Variants in RP1L1 observed in about 807,000 individuals in gnomAD.
RP1L1 encodes the protein retinitis pigmentosa 1-like 1 protein.
RP1L1 carries 27 observed loss-of-function variants against 15.7 expected under a neutral mutation model. The observed-to-expected ratio is 1.72, with a 90% CI of 1.27 to 2.38. The LOEUF is 2.38. RP1L1 is among the 30% of genes most tolerant of loss of function. RP1L1 has a pLI of 0.00. For synonymous variants in RP1L1, 1,813 were observed against 1,276.7 expected (o/e 1.42, Z -8.96); for missense variants, 4,798 against 3,075.9 (o/e 1.56, Z -13.24).
intron 1 of RP1L1, among the ~76,000 whole-genome samples, chr8:10,635,013 C>T (rs1798307932): frequency 6.6e-6 from 1 of 152,192 alleles, no homozygotes. Flanking sequence ...CCTGCAGTGC[C>T]ACCTGGGATG....
intron 1 of RP1L1, among the ~76,000 whole-genome samples, chr8:10,645,500 T>G (rs1294210137): frequency 6.6e-6 from 1 of 152,160 alleles, no homozygotes; most frequent in Non-Finnish European, 1.5e-5. Context: ...ACCAGGGGCT[T>G]TGGTCCACAT....
intron 2 of RP1L1, among the ~76,000 whole-genome samples, chr8:10,622,192 A>C (rs1011894040): frequency 6.6e-6 from 1 of 152,068 alleles, no homozygotes; most frequent in Non-Finnish European, 1.5e-5. Flanking sequence ...ATGGTAGCAC[A>C]TGCCTGTAAT....
rs1169716424 is a variant in RP1L1 at position 10,611,004 on chromosome 8, T to C, written c.3094A>G (p.Ser1032Gly). 1 of 1,612,636 alleles carries C rather than the reference T, an allele frequency of 6.2e-7. No individual in the cohort carries two copies. The highest frequency in any genetic ancestry group is 1.1e-5 in the South Asian group (1 of 91,074). Residue 1032 changes from serine to glycine, a missense_variant, in exon 4 of 4, where the codon AGT (serine) becomes GGT (glycine). Ser to Gly is a moderately conservative substitution (Grantham distance 56). Coordinates refer to ENST00000382483, the MANE Select transcript of RP1L1 (RefSeq NM_178857.6). ...PEPEGALLGS[S>G]DTGPQSGEGV... ...TCTCCTGATTGGGGACCAGTGTCACTACTCCCCAGGAGGGCTCCCTCTGGC... is the reference window on the plus strand; with the variant it reads ...TCTCCTGATTGGGGACCAGTGTCACCACTCCCCAGGAGGGCTCCCTCTGGC...
Position 10,607,398 on chromosome 8 carries a change from C to T in RP1L1, c.6700G>A (p.Glu2234Lys), listed in dbSNP as rs1232323605. Reference protein sequence around the residue: ...EPEGVETPEAEGEAQPESEGE... With the variant: ...EPEGVETPEAKGEAQPESEGE... ...TCTGACTCTGGCTGGGCCTCCCCTT[C>T]AGCCTCCGGGGTCTCTACGCCTTCT... The change falls in exon 4 of 4, where the codon GAA becomes AAA. Residue 2234 changes from glutamate to lysine, a missense_variant. Transcript: ENST00000382483. 1 of 1,592,250 alleles carries T rather than the reference C, an allele frequency of 6.3e-7. No individual in the cohort carries two copies. The highest frequency in any genetic ancestry group is 1.1e-5 in the South Asian group (1 of 88,658).
At chr8:10,636,572 T>G (rs1404770163) in intron 1 of RP1L1, among the ~76,000 whole-genome samples, 4 of 152,028 alleles carry the variant, frequency 2.6e-5, no homozygotes, top group Non-Finnish European at 5.9e-5. Flanking sequence ...AGGACTCTCC[T>G]TCACAACGGC....
chr8:10,637,832 G>C (rs372468719), intron 1 of RP1L1, among the ~76,000 whole-genome samples: 7 of 152,200 alleles, frequency 4.6e-5, no homozygotes, highest in African/African-American at 1.7e-4. Flanking sequence ...TCAGCTTCAA[G>C]ATCAAAAGAT....
intron 1 of RP1L1, among the ~76,000 whole-genome samples, chr8:10,633,401 T>C (rs1250626641): frequency 6.6e-6 from 1 of 152,042 alleles, no homozygotes; most frequent in Admixed American, 6.6e-5. Context: ...AGGGTAGATC[T>C]GGGGACCGGG....
Position 10,644,006 on chromosome 8 carries a change from C to T in RP1L1, c.-20+10892G>A, listed in dbSNP as rs936389828. The stretch of plus-strand genomic sequence containing the variant: ...GCTCAAGGGGGAAGTAGAACCTTCC[C>T]GCACCTGTCAACAAGGGATTGTATT... On this transcript the variant is annotated intron_variant, in intron 1 of 3. Transcript: ENST00000382483. 3.9e-5 allele frequency among the ~76,000 whole-genome samples: 6 copies of T among 151,960 alleles called. No homozygotes were observed. The East Asian group carries it at 1.2e-3, about 30-fold the overall frequency.
Position 10,610,577 on chromosome 8 carries a change from T to A in RP1L1, c.3521A>T (p.Glu1174Val). The A allele has an allele frequency of 6.2e-7, 1 of 1,613,596 alleles. No individual in the cohort carries two copies. The highest frequency in any genetic ancestry group is 8.5e-7 in the Non-Finnish European group (1 of 1,180,014). The change falls in exon 4 of 4, where the codon GAG (glutamate) becomes GTG (valine). Residue 1174 changes from glutamate to valine, a missense_variant. Glu to Val is a moderately radical substitution (Grantham distance 121). Transcript: ENST00000382483. ...TGGCAGAGCCTGGCTCCATGTGAGCTCCCAGAGGCCTGAGTCCAGCTGGTC... is the reference window on the plus strand; with the variant it reads ...TGGCAGAGCCTGGCTCCATGTGAGCACCCAGAGGCCTGAGTCCAGCTGGTC... ...GEDQLDSGLW[E>V]LTWSQALPDL...
chr8:10,615,315 T>C (rs998613356), intron 3 of RP1L1, among the ~76,000 whole-genome samples: 1 of 152,222 alleles, frequency 6.6e-6, no homozygotes, highest in Non-Finnish European at 1.5e-5. Context: ...CTTTTAAAAA[T>C]AAGTGTGTGT....
At chr8:10,620,695 C>A (rs775657627) in intron 2 of RP1L1, among the ~76,000 whole-genome samples, 8 of 152,186 alleles carry the variant, frequency 5.3e-5, no homozygotes, top group Non-Finnish European at 8.8e-5. Context: ...TGACAATGAG[C>A]CAATAGGCAA....
Position 10,608,839 on chromosome 8 carries a change from G to C in RP1L1, c.5259C>G (p.Asn1753Lys). ...CCCCGAGTTTGGGATCTTTGTCTCT[G>C]TTGAGTCTCTGGCTCCCCTCGCCAT... ...GEDGEGSQRL[N>K]RDKDPKLGEA... is the part of the protein sequence containing the mutation. Residue 1753 changes from asparagine to lysine, a missense_variant, in exon 4 of 4, where the codon AAC (asparagine) becomes AAG (lysine). Coordinates refer to ENST00000382483, the MANE Select transcript of RP1L1 (RefSeq NM_178857.6). 1 of 1,614,012 alleles carries C rather than the reference G, an allele frequency of 6.2e-7. No individual in the cohort carries two copies. The highest frequency in any genetic ancestry group is 8.5e-7 in the Non-Finnish European group (1 of 1,180,034).
chr8:10,611,012 A>G lies in RP1L1; in HGVS notation c.3086T>C (p.Leu1029Pro). The G allele has an allele frequency of 6.2e-7, 1 of 1,612,664 alleles. No individual in the cohort carries two copies. Among genetic ancestry groups the G allele is most frequent in the Non-Finnish European group, 8.5e-7 (1 of 1,179,952 alleles). The change falls in exon 4 of 4, where the codon CTG (leucine) becomes CCG (proline). Residue 1029 changes from leucine to proline, a missense_variant. By Grantham distance (98) the Leu-to-Pro change is moderately conservative. Transcript: ENST00000382483. ...GQDPEPEGALLGSSDTGPQSG... is the reference protein window; with the variant it reads ...GQDPEPEGALPGSSDTGPQSG... ...TTGGGGACCAGTGTCACTACTCCCC[A>G]GGAGGGCTCCCTCTGGCTCTGGGTC...
At position 10,612,122 on chromosome 8, in the gene RP1L1, A is replaced by G; in HGVS notation, c.1976T>C (p.Val659Ala). 6.2e-7 allele frequency: 1 copy of G among 1,613,608 alleles called. No individual in the cohort carries two copies. The highest frequency in any genetic ancestry group is 2.2e-5 in the East Asian group (1 of 44,862). ...ATGCCTGGGATGGCCTCTCGGGGCC[A>G]CTCGGCCAAGGCCAGGGCTGCTGGG... is the stretch of plus-strand genomic sequence containing the variant. ...SSPSSPGLGR[V>A]APRGHPRHSH... Residue 659 changes from valine to alanine, a missense_variant, in exon 4 of 4, where the codon GTG becomes GCG. By Grantham distance (64) the Val-to-Ala change is moderately conservative. Transcript: ENST00000382483.
intron 1 of RP1L1, among the ~76,000 whole-genome samples, chr8:10,648,198 T>C (rs528280571): frequency 6.6e-6 from 1 of 152,088 alleles, no homozygotes; most frequent in South Asian, 2.1e-4. Flanking sequence ...TGCCTGGCTA[T>C]TTTTTATATT....
intron 2 of RP1L1, among the ~76,000 whole-genome samples, chr8:10,619,430 C>A (rs73662879): frequency 6.6e-6 from 1 of 152,272 alleles, no homozygotes; most frequent in African/African-American, 2.4e-5. Flanking sequence ...CATTTGGGAT[C>A]CCAGCAATGG....
chr8:10,613,219 A>T lies in RP1L1; in HGVS notation c.879T>A (p.Pro293=), dbSNP rs748875542. Residue 293 remains proline, a synonymous_variant, in exon 4 of 4, where the codon CCT becomes CCA. Coordinates refer to ENST00000382483, the MANE Select transcript of RP1L1 (RefSeq NM_178857.6). Reference sequence around the variant, plus strand: ...GGCCCGACTGAGCTGGCGTGTCCTGAGGGTGCCTGCCAGGAGCAGGGCCCA... The same window carrying T: ...GGCCCGACTGAGCTGGCGTGTCCTGTGGGTGCCTGCCAGGAGCAGGGCCCA... ...PPVGPAPGRH[P]QDTPAQSGPL... 1 of 1,613,370 alleles carries T rather than the reference A, an allele frequency of 6.2e-7. No individual in the cohort carries two copies. The highest frequency in any genetic ancestry group is 8.5e-7 in the Non-Finnish European group (1 of 1,179,998).
At chr8:10,649,413 C>T (rs1798526464) in intron 1 of RP1L1, among the ~76,000 whole-genome samples, 1 of 152,194 alleles carries the variant, frequency 6.6e-6, no homozygotes, top group South Asian at 2.1e-4. Context: ...GGATCAAGGG[C>T]TTTGCCTGAG....
chr8:10,625,258 C>G (rs1798138516), intron 1 of RP1L1, among the ~76,000 whole-genome samples: 1 of 152,186 alleles, frequency 6.6e-6, no homozygotes, highest in South Asian at 2.1e-4. Flanking sequence ...CCTACCTGCA[C>G]CAAGCAACTC....
Sources: allele counts gnomAD v4.1 joint callset (sites outside exome capture counted in the v4.1 genomes callset), GRCh38; gene constraint gnomAD v4.1.1; transcripts MANE v1.5; gene names NCBI Gene and HGNC (gene_info 2026-07-23, HGNC 2026-07-21).